Variants in FOXRED2 observed in about 807,000 individuals in gnomAD.
The protein encoded by FOXRED2 is FAD dependent oxidoreductase domain containing 2, also known as FAD-dependent oxidoreductase domain-containing protein 2.
Under a neutral mutation model 52.5 loss-of-function variants are expected in FOXRED2, and 32 were observed. The observed-to-expected ratio is 0.61, with a 90% CI of 0.46 to 0.82. The LOEUF is 0.82. Ranked by LOEUF, FOXRED2 falls within the 40% of genes least tolerant of loss-of-function variation. The pLI is 0.00. For missense variants in FOXRED2, 848 were observed against 937.5 expected, an observed-to-expected ratio of 0.90 and a Z score of 1.25; for synonymous variants, 405 against 398.1, an observed-to-expected ratio of 1.02 and a Z score of -0.21.
chr22:36,505,816 T>C (rs1439259145), intron 2 of FOXRED2, 80 bp downstream of exon 2: 1 of 1,387,982 alleles, frequency 7.2e-7, no homozygotes. Context: ...ATTCCTCCCA[T>C]ACCTACTGGC....
chr22:36,505,306 T>C (rs893161081), intron 2 of FOXRED2, among the ~76,000 whole-genome samples: 2 of 152,340 alleles, frequency 1.3e-5, no homozygotes, highest in East Asian at 3.9e-4. Context: ...TGCAGGCCCA[T>C]GGCTTGAGAG....
In FOXRED2 at chr22:36,487,815, A is replaced by C. The variant is rs1221844200; in HGVS notation, c.*2193T>G. ...TAGTTAAAAAGTCTGGACTGGGCCG[A>C]GCGTGGTGGCTCATGCCTGTAATCC... is the stretch of plus-strand genomic sequence containing the variant. On this transcript the variant is annotated 3_prime_UTR_variant, in exon 9 of 9. Coordinates refer to ENST00000397224, the MANE Select transcript of FOXRED2 (RefSeq NM_001102371.2). 1.3e-5 allele frequency: 2 copies of C among 152,192 alleles called. 1 individual carries two copies. The highest frequency in any genetic ancestry group is 3.8e-4 in the East Asian group (2 of 5,196). The allele number at this position is 152,192 out of a possible 1,614,324, so 9.4% of individuals were successfully genotyped here. A position where few individuals can be genotyped will look rare whatever the true frequency, so the allele number is the denominator to read the frequency against.
intron 8 of FOXRED2, among the ~76,000 whole-genome samples, chr22:36,491,044 C>A (rs1933743196): frequency 6.6e-6 from 1 of 152,210 alleles, no homozygotes; most frequent in East Asian, 1.9e-4. Flanking sequence ...CACCTGTAAT[C>A]CCAGCTACTC....
rs547783129 is a variant in FOXRED2 at position 36,506,976 on chromosome 22, C to G, written c.-2+33G>C. The G allele has an allele frequency of 3.5e-3, 534 of 152,694 alleles. 3 individuals carry two copies. The Middle Eastern group carries it at 0.041, about 12-fold the overall frequency. 9.5% of individuals were successfully genotyped at this position (152,694 alleles called of 1,614,324 possible). A position where few individuals can be genotyped will look rare whatever the true frequency, so the allele number is the denominator to read the frequency against. The stretch of plus-strand genomic sequence containing the variant: ...CCTACGCCCGCAGCTCCGGCCTCCC[C>G]GCCTCCGACCGAACCCTGAGAAACG... On this transcript the variant is annotated intron_variant, in intron 1 of 8. Coordinates refer to ENST00000397224, the MANE Select transcript of FOXRED2 (RefSeq NM_001102371.2).
chr22:36,492,626 C>G (rs933703206), intron 8 of FOXRED2, among the ~76,000 whole-genome samples: 4 of 152,154 alleles, frequency 2.6e-5, no homozygotes, highest in African/African-American at 9.7e-5. Flanking sequence ...GATTCTCCTG[C>G]CTCAGCCTCC....
chr22:36,504,359 T>G lies in FOXRED2; in HGVS notation c.788A>C (p.Asn263Thr). 6.2e-7 allele frequency: 1 copy of G among 1,614,040 alleles called. No homozygotes were observed. Among genetic ancestry groups the G allele is most frequent in the Non-Finnish European group, 8.5e-7 (1 of 1,179,970 alleles). The change falls in exon 4 of 9, where the codon AAC (asparagine) becomes ACC (threonine). Residue 263 changes from asparagine to threonine, a missense_variant. Physicochemically the swap from Asn to Thr is moderately conservative, Grantham distance 65. Transcript: ENST00000397224. ...CTGGTAGGTATCCAGCAGGCCATTG[T>G]TGATGGCTCTGAGCCCACAGAGAAT... ...THYVGDLRAI[N>T]NGLLDTYQLK...
rs1243241120 is a variant in FOXRED2 at position 36,506,250 on chromosome 22, A to G, written c.173T>C (p.Val58Ala). The change falls in exon 2 of 9, where the codon GTG becomes GCG. Residue 58 changes from valine (V) to alanine (A), a missense_variant. Coordinates refer to ENST00000397224, the MANE Select transcript of FOXRED2 (RefSeq NM_001102371.2). ...GCCGGGCCGCGGGGCCCGCTCGAACACTGCGTAGTCGCGTCCAGCGCGCTG... is the reference window on the plus strand; with the variant it reads ...GCCGGGCCGCGGGGCCCGCTCGAACGCTGCGTAGTCGCGTCCAGCGCGCTG... ...FLQRAGRDYA[V>A]FERAPRPGSF... 2.5e-6 allele frequency: 4 copies of G among 1,612,816 alleles called. No individual in the cohort carries two copies. Among genetic ancestry groups the G allele is most frequent in the Non-Finnish European group, 3.4e-6 (4 of 1,179,634 alleles).
intron 8 of FOXRED2, 86 bp from the exon 9 acceptor site, chr22:36,490,353 G>T (rs1883596575): frequency 1.4e-6 from 2 of 1,439,754 alleles, no homozygotes; most frequent in Non-Finnish European, 1.9e-6. Flanking sequence ...TGCCAGGTGT[G>T]GGGGCTTCAC....
In FOXRED2 at chr22:36,489,007, T is replaced by C. The variant is rs765705179; in HGVS notation, c.*1001A>G. On this transcript the variant is annotated 3_prime_UTR_variant, in exon 9 of 9. Transcript: ENST00000397224. ...CTGATGGGAAAGTGCAGATTGCTGG[T>C]GAGGAAGGGCAATGAAGAAGAGACT... The C allele has an allele frequency of 6.6e-6, 1 of 152,120 alleles. No homozygotes were observed. Among genetic ancestry groups the C allele is most frequent in the Non-Finnish European group, 1.5e-5 (1 of 68,028 alleles). 9.4% of individuals were successfully genotyped at this position (152,120 alleles called of 1,614,324 possible).
At position 36,496,094 on chromosome 22, in the gene FOXRED2, A is replaced by G. The variant is rs746797595; in HGVS notation, c.1497T>C (p.Tyr499=). 14 of 1,614,234 alleles carry G rather than the reference A, an allele frequency of 8.7e-6. No homozygotes were observed. In the Admixed American group the frequency reaches 2.0e-4, roughly 23 times the overall value. ...KHGLFVINME[Y]GRNFSGPDKD... is the part of the protein sequence containing the mutation. ...TGTCGGGGCCAGAGAAATTTCTGCC[A>G]TATTCCATGTTGATGACGAAGAGCC... is the stretch of plus-strand genomic sequence containing the variant. The change falls in exon 7 of 9, where the codon TAT becomes TAC. Residue 499 remains tyrosine (Y), a synonymous_variant. Transcript: ENST00000397224.
intron 8 of FOXRED2, 152 bp from the exon 9 acceptor site, chr22:36,490,419 G>T: frequency 1.1e-6 from 1 of 907,900 alleles, no homozygotes; most frequent in Non-Finnish European, 1.6e-6. Flanking sequence ...ACCTTTCTGG[G>T]CATCTCACGT....
At chr22:36,500,920 C>T (rs762974833) in intron 5 of FOXRED2, among the ~76,000 whole-genome samples, 12 of 150,116 alleles carry the variant, frequency 8.0e-5, no homozygotes, top group South Asian at 2.1e-4. Context: ...GACCAAGTCT[C>T]GCTCTGTCAC....
At chr22:36,493,898 T>G in intron 7 of FOXRED2, 95 bp from the exon 8 acceptor site, 2 of 1,076,506 alleles carry the variant, frequency 1.9e-6, no homozygotes, top group Non-Finnish European at 2.7e-6. Flanking sequence ...GCCCAAACAC[T>G]TCCCTCGTTC....
chr22:36,491,879 C>G (rs114874620), intron 8 of FOXRED2, among the ~76,000 whole-genome samples: 3 of 152,142 alleles, frequency 2.0e-5, no homozygotes, highest in Admixed American at 2.0e-4. Context: ...AGAGCTGACA[C>G]AGATATGGGC....
intron 4 of FOXRED2, among the ~76,000 whole-genome samples, chr22:36,502,466 C>T (rs1392694006): frequency 6.6e-6 from 1 of 152,138 alleles, no homozygotes; most frequent in Non-Finnish European, 1.5e-5. Context: ...ATAATACATG[C>T]CAAGTACTTT....
chr22:36,490,571 G>A (rs1933730470), intron 8 of FOXRED2, among the ~76,000 whole-genome samples: 1 of 152,222 alleles, frequency 6.6e-6, no homozygotes, highest in Non-Finnish European at 1.5e-5. Flanking sequence ...GCTGAGCACC[G>A]GGCTCTGCAG....
In FOXRED2 at chr22:36,496,118, C is replaced by A. The variant is rs376221858; in HGVS notation, c.1473G>T (p.Gly491=). The change falls in exon 7 of 9, where the codon GGG becomes GGT. Residue 491 remains glycine, a synonymous_variant. Transcript: ENST00000397224. ...ETLTGRKAKH[G]LFVINMEYGR... ...CATATTCCATGTTGATGACGAAGAG[C>A]CCGTGCTTTGCCTTCCTCCCTGTGA... is the stretch of plus-strand genomic sequence containing the variant. 9.7e-5 allele frequency: 156 copies of A among 1,614,092 alleles called. No individual in the cohort carries two copies. The highest frequency in any genetic ancestry group is 4.3e-4 in the Admixed American group (26 of 60,004).
At chr22:36,491,063 G>GAGGC (rs1933743639) in intron 8 of FOXRED2, among the ~76,000 whole-genome samples, 2 of 152,260 alleles carry the variant, frequency 1.3e-5, no homozygotes, top group South Asian at 4.1e-4. Context: ...TCGGGAGGCT[G>GAGGC]AGGCAGGAGA....
intron 2 of FOXRED2, 130 bp downstream of exon 2, chr22:36,505,766 G>A (rs1003101790): frequency 1.5e-4 from 151 of 1,005,310 alleles, no homozygotes; most frequent in Middle Eastern, 9.4e-4. Flanking sequence ...GTGAGACTCC[G>A]TCTTAAAAAA....
Sources: gnomAD v4.1 joint callset for allele counts (sites outside exome capture counted in the v4.1 genomes callset) on GRCh38, gnomAD v4.1.1 for gene constraint, MANE v1.5 for transcripts, NCBI Gene and HGNC (gene_info 2026-07-23, HGNC 2026-07-21) for gene names.